Variants in FSTL5 observed in about 807,000 individuals in gnomAD.
FSTL5 encodes follistatin like 5, also known as follistatin-related protein 5.
Under a neutral mutation model 89.1 loss-of-function variants are expected in FSTL5, and 62 were observed. The ratio of observed to expected loss-of-function variants is 0.70; its 90% CI spans 0.57 to 0.86. The LOEUF (loss-of-function observed/expected upper bound fraction) is 0.86, where lower values mean the gene tolerates loss of function less well. Ranked by LOEUF, FSTL5 falls within the 40% of genes least tolerant of loss-of-function variation. FSTL5 has a pLI of 0.00. For missense variants in FSTL5, 1,057 were observed against 1,001.6 expected (o/e 1.06, Z -0.75); for synonymous variants, 383 against 346.2 (o/e 1.11, Z -1.18).
At chr4:161,508,614 T>C (rs959725036) in intron 11 of FSTL5, among the ~76,000 whole-genome samples, 1 of 152,144 alleles carries the variant, frequency 6.6e-6, no homozygotes, top group Admixed American at 6.6e-5. Flanking sequence ...TTCATCATGA[T>C]TTTAATTAAT....
At chr4:161,387,070 T>C (rs1443713415) in intron 15 of FSTL5, 4 of 152,198 alleles carry the variant, frequency 2.6e-5, no homozygotes, top group African/African-American at 9.6e-5. Context: ...GTTTGTTTTG[T>C]TGACCTTAAA....
chr4:161,903,707 G>A (rs1450380356), intron 4 of FSTL5, among the ~76,000 whole-genome samples: 1 of 151,408 alleles, frequency 6.6e-6, no homozygotes, highest in East Asian at 1.9e-4. Flanking sequence ...GCATTTTTTG[G>A]TATTTAGCTA....
intron 3 of FSTL5, among the ~76,000 whole-genome samples, chr4:161,923,094 G>T (rs1734036297): frequency 4.0e-5 from 6 of 151,842 alleles, no homozygotes; most frequent in Non-Finnish European, 8.8e-5. Context: ...TTTCAAAAAG[G>T]CAAATGCTTC....
rs77979958 is a variant in FSTL5, at chr4:161,948,793, AT to A, written c.161-28142del. ...CTGAATTTGTATTCATGTATAATGT[AT>A]TTATTCTTTAAAAGACCTTATTCCA... On this transcript the variant is annotated intron_variant, in intron 3 of 15. Coordinates refer to ENST00000306100, the MANE Select transcript of FSTL5 (RefSeq NM_020116.5). Among the ~76,000 whole-genome samples, 2,160 of 151,984 alleles carry A rather than the reference AT, an allele frequency of 0.014. 149 individuals are homozygous for A. In the East Asian group the frequency reaches 0.15, roughly 11 times the overall value.
intron 6 of FSTL5, among the ~76,000 whole-genome samples, chr4:161,694,948 G>A (rs950190217): frequency 8.7e-5 from 13 of 148,686 alleles, no homozygotes. Context: ...ACCTGACAGA[G>A]ATTTTCTTAA....
chr4:161,595,842 C>A (rs896752479), intron 7 of FSTL5, among the ~76,000 whole-genome samples: 8 of 151,902 alleles, frequency 5.3e-5, no homozygotes, highest in African/African-American at 1.9e-4. Flanking sequence ...TGTTAGCCCA[C>A]TTTCTTTTTC....
intron 1 of FSTL5, among the ~76,000 whole-genome samples, chr4:162,143,562 T>C (rs1732834718): frequency 6.6e-6 from 1 of 152,084 alleles, no homozygotes; most frequent in Non-Finnish European, 1.5e-5. Flanking sequence ...TTATTTTCTG[T>C]TTTTCTCTTT....
At chr4:162,159,419 T>C (rs527323858) in intron 1 of FSTL5, among the ~76,000 whole-genome samples, 3 of 152,188 alleles carry the variant, frequency 2.0e-5, no homozygotes, top group Admixed American at 1.3e-4. Flanking sequence ...TAGTTATGAG[T>C]TGAAATAATA....
chr4:161,529,088 C>A (rs1051547826), intron 10 of FSTL5, among the ~76,000 whole-genome samples: 1 of 142,724 alleles, frequency 7.0e-6, no homozygotes, highest in Non-Finnish European at 1.5e-5. Flanking sequence ...AATAAGAAAG[C>A]ATTATTTCTT....
At chr4:161,579,485 A>T (rs1733349491) in intron 8 of FSTL5, among the ~76,000 whole-genome samples, 1 of 152,094 alleles carries the variant, frequency 6.6e-6, no homozygotes, top group African/African-American at 2.4e-5. Context: ...TGGGAAGCCG[A>T]GGTGGGCATA....
chr4:162,153,799 A>G (rs1300358832), intron 1 of FSTL5, among the ~76,000 whole-genome samples: 44 of 123,942 alleles, frequency 3.6e-4, no homozygotes, highest in African/African-American at 1.1e-3. Flanking sequence ...ATGTATATGT[A>G]TATATATATA....
chr4:162,018,281 T>TA (rs764444064), intron 3 of FSTL5, among the ~76,000 whole-genome samples: 1 of 152,144 alleles, frequency 6.6e-6, no homozygotes, highest in African/African-American at 2.4e-5. Flanking sequence ...GTTCAGGACT[T>TA]ACCACTTTTA....
At chr4:162,035,103 T>C (rs1737680192) in intron 2 of FSTL5, 2 of 152,292 alleles carry the variant, frequency 1.3e-5, no homozygotes, top group Non-Finnish European at 2.9e-5. Flanking sequence ...AGAATCTCTC[T>C]CTCCCTCCCT....
At chr4:161,804,959 A>G (rs1729912206) in intron 4 of FSTL5, among the ~76,000 whole-genome samples, 1 of 152,124 alleles carries the variant, frequency 6.6e-6, no homozygotes, top group African/African-American at 2.4e-5. Flanking sequence ...CAGATAGGTC[A>G]TCCCAGAATA....
At chr4:162,082,807 CTT>C (rs936771520) in intron 2 of FSTL5, among the ~76,000 whole-genome samples, 25 of 140,588 alleles carry the variant, frequency 1.8e-4, no homozygotes, top group African/African-American at 5.0e-4. Context: ...GGACATAAAA[CTT>C]TTTCTTTTCT....
chr4:162,029,271 C>T (rs1010838259), intron 3 of FSTL5, among the ~76,000 whole-genome samples: 2 of 151,794 alleles, frequency 1.3e-5, no homozygotes, highest in Admixed American at 1.3e-4. Flanking sequence ...ATAGTCTTAA[C>T]ATAATATTTT....
At chr4:161,426,565 A>T (rs1461645415) in intron 15 of FSTL5, among the ~76,000 whole-genome samples, 1 of 152,122 alleles carries the variant, frequency 6.6e-6, no homozygotes, top group Non-Finnish European at 1.5e-5. Flanking sequence ...CTCCTCTCAA[A>T]GCTCGAGGGA....
At chr4:161,696,642 T>C (rs1738181058) in intron 6 of FSTL5, among the ~76,000 whole-genome samples, 1 of 152,220 alleles carries the variant, frequency 6.6e-6, no homozygotes, top group South Asian at 2.1e-4. Context: ...TGTTTTATAG[T>C]TTCCCTTGTA....
chr4:161,531,961 T>G (rs1238074886), intron 10 of FSTL5, among the ~76,000 whole-genome samples: 1 of 152,076 alleles, frequency 6.6e-6, no homozygotes, highest in Non-Finnish European at 1.5e-5. Flanking sequence ...TCCCAGCACT[T>G]TGGGAGGCCG....
Sources: gnomAD v4.1 joint callset for allele counts (sites outside exome capture counted in the v4.1 genomes callset) on GRCh38, gnomAD v4.1.1 for gene constraint, MANE v1.5 for transcripts, NCBI Gene and HGNC (gene_info 2026-07-23, HGNC 2026-07-21) for gene names.